Variants in BCKDHB observed in about 807,000 individuals in gnomAD.
The protein encoded by BCKDHB is branched chain keto acid dehydrogenase E1 subunit beta.
In BCKDHB, 41 loss-of-function variants were observed where a neutral mutation model predicts 48.5. The observed-to-expected ratio is 0.85, with a 90% CI of 0.66 to 1.10. The LOEUF is 1.10. Ranked by LOEUF, BCKDHB falls within the 50% of genes least tolerant of loss-of-function variation. The pLI is 0.00. For synonymous variants in BCKDHB, 201 were observed against 174.8 expected (o/e 1.15, Z -1.18); for missense variants, 496 against 494.2 (o/e 1.00, Z -0.03).
At chr6:80,457,027 A>G in the BCKDHB span, among the ~76,000 whole-genome samples, 1 of 152,220 alleles carries the variant, frequency 6.6e-6, no homozygotes, top group Non-Finnish European at 1.5e-5. Context: ...TCTTCATCAT[A>G]AACAGATTTC....
intron 6 of BCKDHB, among the ~76,000 whole-genome samples, chr6:80,172,572 A>G (rs1024170029): frequency 6.6e-6 from 1 of 152,100 alleles, no homozygotes; most frequent in Non-Finnish European, 1.5e-5. Flanking sequence ...GTATTAGCAT[A>G]TTGCAACTAT....
rs189378955 is a variant in BCKDHB at position 80,228,583 on chromosome 6, T to C, written c.951+25371T>C. On this transcript the variant is annotated intron_variant, in intron 8 of 9. Coordinates refer to ENST00000320393, the MANE Select transcript of BCKDHB (RefSeq NM_183050.4). Reference sequence around the variant, plus strand: ...ATTTCTGTGAGGATGAATATGGGTGTTGAAGTGGGAGATAGCTAGAGAACT... The same window carrying C: ...ATTTCTGTGAGGATGAATATGGGTGCTGAAGTGGGAGATAGCTAGAGAACT... 4.0e-3 allele frequency among the ~76,000 whole-genome samples: 616 copies of C among 152,280 alleles called. 4 individuals are homozygous for C. Among genetic ancestry groups the C allele is most frequent in the Non-Finnish European group, 4.8e-3 (327 of 68,022 alleles).
At chr6:80,123,992 C>G (rs1770194175) in intron 1 of BCKDHB, among the ~76,000 whole-genome samples, 1 of 152,116 alleles carries the variant, frequency 6.6e-6, no homozygotes, top group South Asian at 2.1e-4. Context: ...GTTAGGGTGT[C>G]AATTTTAGAT....
At chr6:80,269,304 C>G (rs918315596) in intron 8 of BCKDHB, among the ~76,000 whole-genome samples, 8 of 152,088 alleles carry the variant, frequency 5.3e-5, no homozygotes, top group African/African-American at 7.2e-5. Flanking sequence ...TCTGATTGCT[C>G]CTATTGTGAT....
chr6:80,202,985 T>C, intron 7 of BCKDHB, 117 bp from the exon 8 acceptor site: 1 of 763,574 alleles, frequency 1.3e-6, no homozygotes, highest in South Asian at 1.5e-5. Context: ...AAATTCTCCA[T>C]GCAGATCAGT....
chr6:80,203,644 T>A (rs540380983), intron 8 of BCKDHB, among the ~76,000 whole-genome samples: 48 of 152,226 alleles, frequency 3.2e-4, no homozygotes, highest in Non-Finnish European at 5.9e-4. Context: ...ATGGATTTTT[T>A]AAAAACATAA....
the BCKDHB span, among the ~76,000 whole-genome samples, chr6:80,463,631 C>A: frequency 6.6e-6 from 1 of 151,824 alleles, no homozygotes; most frequent in African/African-American, 2.4e-5. Flanking sequence ...GATTTCTTAG[C>A]CCTTGTTGTT....
At chr6:80,240,311 C>G (rs1256428212) in intron 8 of BCKDHB, among the ~76,000 whole-genome samples, 1 of 151,984 alleles carries the variant, frequency 6.6e-6, no homozygotes, top group Non-Finnish European at 1.5e-5. Context: ...TTTGTGTATT[C>G]TTTTATTTTG....
intron 9 of BCKDHB, among the ~76,000 whole-genome samples, chr6:80,328,608 C>G (rs1014305130): frequency 3.3e-5 from 5 of 152,130 alleles, no homozygotes; most frequent in African/African-American, 1.2e-4. Context: ...TCTCATAAAT[C>G]GGAATCTAAG....
At chr6:80,172,657 C>T (rs769022109) in intron 6 of BCKDHB, among the ~76,000 whole-genome samples, 2 of 151,984 alleles carry the variant, frequency 1.3e-5, no homozygotes, top group African/African-American at 2.4e-5. Flanking sequence ...GAGGCGTGTA[C>T]AGTATTGTTT....
At chr6:80,414,724 A>T in the BCKDHB span, among the ~76,000 whole-genome samples, 611 of 152,178 alleles carry the variant, frequency 4.0e-3, 4 homozygotes, top group African/African-American at 0.014. Context: ...ATTAGGATTG[A>T]CTTGGCTATT....
At chr6:80,188,429 G>A (rs1203906283) in intron 6 of BCKDHB, among the ~76,000 whole-genome samples, 1 of 151,954 alleles carries the variant, frequency 6.6e-6, no homozygotes, top group Non-Finnish European at 1.5e-5. Context: ...TTGAGCCAAG[G>A]GTTTGAGACC....
intron 8 of BCKDHB, among the ~76,000 whole-genome samples, chr6:80,255,704 T>TTA (rs1777021002): frequency 6.6e-6 from 1 of 152,174 alleles, no homozygotes; most frequent in African/African-American, 2.4e-5. Context: ...GTCCATGTGT[T>TTA]TAGAGAACAA....
chr6:80,220,368 G>T, intron 8 of BCKDHB, among the ~76,000 whole-genome samples: 1 of 51,124 alleles, frequency 2.0e-5, no homozygotes, highest in African/African-American at 5.3e-5. Context: ...TTTTTTTCAA[G>T]TTATGTTCTA....
chr6:80,423,103 G>C, the BCKDHB span, among the ~76,000 whole-genome samples: 1 of 152,124 alleles, frequency 6.6e-6, no homozygotes, highest in East Asian at 1.9e-4. Context: ...TGTATCATGG[G>C]CGTGGTTTCT....
chr6:80,213,658 G>GTT (rs1321258948), intron 8 of BCKDHB, among the ~76,000 whole-genome samples: 35 of 132,760 alleles, frequency 2.6e-4, no homozygotes, highest in African/African-American at 1.1e-3. Flanking sequence ...CTTGGGAAGT[G>GTT]TTTTTTTTTG....
At chr6:80,373,252 C>T in the BCKDHB span, among the ~76,000 whole-genome samples, 1 of 151,994 alleles carries the variant, frequency 6.6e-6, no homozygotes, top group Non-Finnish European at 1.5e-5. Context: ...TTCATAGTAA[C>T]CTTTAATTAT....
At chr6:80,263,755 C>T (rs1008906258) in intron 8 of BCKDHB, among the ~76,000 whole-genome samples, 9 of 152,090 alleles carry the variant, frequency 5.9e-5, no homozygotes, top group African/African-American at 1.4e-4. Context: ...ACCCTTGATA[C>T]GTGCTTAAAA....
intron 3 of BCKDHB, among the ~76,000 whole-genome samples, chr6:80,150,973 T>C (rs897275360): frequency 6.6e-6 from 1 of 152,218 alleles, no homozygotes; most frequent in Non-Finnish European, 1.5e-5. Flanking sequence ...GTCACTGTTA[T>C]ATTATGCCAT....
Sources: allele counts gnomAD v4.1 joint callset (sites outside exome capture counted in the v4.1 genomes callset), GRCh38; gene constraint gnomAD v4.1.1; transcripts MANE v1.5; gene names NCBI Gene and HGNC (gene_info 2026-07-23, HGNC 2026-07-21).